The following LCLAT1 variants were observed in gnomAD, a reference collection of about 807,000 sequenced individuals.
The protein encoded by LCLAT1 is lysocardiolipin acyltransferase 1.
Under a neutral mutation model 30.7 loss-of-function variants are expected in LCLAT1, and 11 were observed. That is an observed-to-expected ratio of 0.36 (90% CI 0.23 to 0.59). The LOEUF (loss-of-function observed/expected upper bound fraction) is 0.59. Among genes scored for constraint, LCLAT1 ranks in the 20% least tolerant of loss-of-function variants. LCLAT1 has a pLI of 0.77. For synonymous variants in LCLAT1, 155 were observed against 151.3 expected, an observed-to-expected ratio of 1.02 and a Z score of -0.18; for missense variants, 402 against 458.6, an observed-to-expected ratio of 0.88 and a Z score of 1.13.
At chr2:30,624,561 A>G in intron 5 of LCLAT1, among the ~76,000 whole-genome samples, 1 of 152,226 alleles carries the variant, frequency 6.6e-6, no homozygotes, top group Non-Finnish European at 1.5e-5. Flanking sequence ...GTCCAACATT[A>G]AACTATCACA....
chr2:30,453,289 T>TTCTTCCAGC (rs1410491416), intron 1 of LCLAT1, among the ~76,000 whole-genome samples: 1 of 152,120 alleles, frequency 6.6e-6, no homozygotes, highest in African/African-American at 2.4e-5. Context: ...GTGGCGGCGG[T>TTCTTCCAGC]TCTTCCAGCT....
chr2:30,501,854 G>A (rs1684411794), intron 1 of LCLAT1, among the ~76,000 whole-genome samples: 1 of 152,118 alleles, frequency 6.6e-6, no homozygotes, highest in African/African-American at 2.4e-5. Flanking sequence ...ACTTTTATAT[G>A]TATGAAAAAC....
At chr2:30,534,240 TG>T (rs1686125798) in intron 3 of LCLAT1, among the ~76,000 whole-genome samples, 5 of 148,616 alleles carry the variant, frequency 3.4e-5, no homozygotes, top group African/African-American at 1.3e-4. Flanking sequence ...TGTGTGTGTG[TG>T]TGTGTGTGTG....
intron 2 of LCLAT1, among the ~76,000 whole-genome samples, chr2:30,526,953 T>G (rs1295742398): frequency 6.6e-6 from 1 of 152,190 alleles, no homozygotes; most frequent in Non-Finnish European, 1.5e-5. Flanking sequence ...GCCCAGTGTT[T>G]CATTGCAACC....
rs113996100 is a variant in LCLAT1, at chr2:30,557,959, A to G, written c.365-4187A>G. Among the ~76,000 whole-genome samples the G allele has an allele frequency of 6.7e-3, 1,016 of 152,328 alleles. 10 individuals are homozygous for G. The highest frequency in any genetic ancestry group is 0.023 in the African/African-American group (963 of 41,572). On this transcript the variant is annotated intron_variant, in intron 3 of 5. Coordinates refer to ENST00000379509, the MANE Select transcript of LCLAT1 (RefSeq NM_001002257.3). ...TGAATATCCATTCAGAAAACAAACA[A>G]TTTTAACCTCTGCTTCACATAATCC... is the stretch of plus-strand genomic sequence containing the variant.
At chr2:30,635,472 T>A (rs1668978215) in intron 5 of LCLAT1, among the ~76,000 whole-genome samples, 1 of 152,140 alleles carries the variant, frequency 6.6e-6, no homozygotes, top group Non-Finnish European at 1.5e-5. Context: ...TTTGTCTTTT[T>A]TAGTTTCTAA....
At chr2:30,601,557 A>G (rs527666368) in intron 5 of LCLAT1, among the ~76,000 whole-genome samples, 1 of 152,148 alleles carries the variant, frequency 6.6e-6, no homozygotes, top group Non-Finnish European at 1.5e-5. Flanking sequence ...TTATAATCCC[A>G]TGTGGGCCAG....
At chr2:30,584,219 G>A (rs762455513) in intron 5 of LCLAT1, among the ~76,000 whole-genome samples, 47 of 152,192 alleles carry the variant, frequency 3.1e-4, no homozygotes, top group Non-Finnish European at 5.1e-4. Flanking sequence ...TTAACTGTAT[G>A]TCTATTAAGA....
At chr2:30,590,533 T>TA (rs55777243) in intron 5 of LCLAT1, among the ~76,000 whole-genome samples, 42 of 147,930 alleles carry the variant, frequency 2.8e-4, no homozygotes, top group Middle Eastern at 3.6e-3. Flanking sequence ...TATATATATA[T>TA]TATATGTATA....
At chr2:30,636,800 A>G (rs1020445583) in intron 5 of LCLAT1, among the ~76,000 whole-genome samples, 1 of 152,218 alleles carries the variant, frequency 6.6e-6, no homozygotes, top group Non-Finnish European at 1.5e-5. Flanking sequence ...ATCCGTAAGC[A>G]TTAGGAACCA....
chr2:30,636,850 C>T (rs1669054027), intron 5 of LCLAT1, among the ~76,000 whole-genome samples: 1 of 152,094 alleles, frequency 6.6e-6, no homozygotes, highest in Admixed American at 6.5e-5. Flanking sequence ...TGAGCTGTTC[C>T]TAAGATTTTA....
intron 1 of LCLAT1, among the ~76,000 whole-genome samples, chr2:30,495,845 ATGAGGTAGG>A (rs1684084534): frequency 6.6e-6 from 1 of 151,976 alleles, no homozygotes; most frequent in Admixed American, 6.5e-5. Context: ...TTGTTTTTTG[ATGAGGTAGG>A]TGGTTATGTA....
chr2:30,474,908 T>C (rs1682974067), intron 1 of LCLAT1, among the ~76,000 whole-genome samples: 1 of 152,124 alleles, frequency 6.6e-6, no homozygotes, highest in Non-Finnish European at 1.5e-5. Context: ...CACCTTGGTC[T>C]CTCAAAGTGC....
intron 3 of LCLAT1, among the ~76,000 whole-genome samples, chr2:30,560,736 T>TA (rs1212336087): frequency 1.3e-5 from 2 of 152,224 alleles, no homozygotes; most frequent in African/African-American, 2.4e-5. Context: ...TTGTCTTAGT[T>TA]ACGTTCTTTG....
At chr2:30,536,718 G>A (rs547762501) in intron 3 of LCLAT1, among the ~76,000 whole-genome samples, 2 of 152,206 alleles carry the variant, frequency 1.3e-5, no homozygotes, top group South Asian at 4.1e-4. Context: ...ATATATAGAT[G>A]AAAAAGAGAA....
At chr2:30,549,714 T>C (rs1206742219) in intron 3 of LCLAT1, among the ~76,000 whole-genome samples, 4 of 152,208 alleles carry the variant, frequency 2.6e-5, no homozygotes, top group Admixed American at 6.5e-5. Flanking sequence ...GGGCTAAGTA[T>C]CTGTAAATTG....
chr2:30,513,464 G>GTAC (rs1475611052), intron 1 of LCLAT1, among the ~76,000 whole-genome samples: 2 of 152,132 alleles, frequency 1.3e-5, no homozygotes, highest in African/African-American at 4.8e-5. Flanking sequence ...GGTTTTGTGT[G>GTAC]TACTTTATTG....
chr2:30,562,838 C>T (rs1251461974), intron 4 of LCLAT1, among the ~76,000 whole-genome samples: 2 of 152,150 alleles, frequency 1.3e-5, no homozygotes, highest in Non-Finnish European at 1.5e-5. Context: ...TCCTACTCCT[C>T]AGCGTCTTCC....
chr2:30,501,709 A>G (rs1684402225), intron 1 of LCLAT1, among the ~76,000 whole-genome samples: 2 of 152,120 alleles, frequency 1.3e-5, no homozygotes, highest in African/African-American at 2.4e-5. Flanking sequence ...AATATGAAAC[A>G]TGAAGGAAAG....
Sources: allele counts gnomAD v4.1 joint callset (sites outside exome capture counted in the v4.1 genomes callset), GRCh38; gene constraint gnomAD v4.1.1; transcripts MANE v1.5; gene names NCBI Gene and HGNC (gene_info 2026-07-23, HGNC 2026-07-21).